The following DOCK4 variants were observed in gnomAD, a reference collection of about 807,000 sequenced individuals.
DOCK4 encodes dedicator of cytokinesis 4.
In DOCK4, 97 loss-of-function variants were observed where a neutral mutation model predicts 268.1. That is an observed-to-expected ratio of 0.36 (90% CI 0.31 to 0.43). The LOEUF is 0.43. DOCK4 is among the 20% of genes least tolerant of loss of function. The probability of loss-of-function intolerance (pLI) is 1.00; values close to 1 mark genes in which losing one functional copy is unlikely to be tolerated. For missense variants in DOCK4, 2,145 were observed against 2,455.7 expected (o/e 0.87, Z 2.67); for synonymous variants, 954 against 887.2 (o/e 1.08, Z -1.34).
chr7:111,953,028 T>A (rs1010904380), intron 8 of DOCK4, among the ~76,000 whole-genome samples: 11 of 151,938 alleles, frequency 7.2e-5, no homozygotes, highest in Non-Finnish European at 1.5e-4. Flanking sequence ...GAGTTCAAGA[T>A]CAGCCTGGGC....
intron 12 of DOCK4, among the ~76,000 whole-genome samples, chr7:111,924,867 A>G (rs1793467348): frequency 6.6e-6 from 1 of 152,240 alleles, no homozygotes; most frequent in Non-Finnish European, 1.5e-5. Flanking sequence ...TCACACTGCC[A>G]TTCTGTAGTA....
chr7:111,791,716 A>T (rs1207122747), intron 30 of DOCK4, among the ~76,000 whole-genome samples: 1 of 151,826 alleles, frequency 6.6e-6, no homozygotes, highest in Admixed American at 6.6e-5. Flanking sequence ...CCAAAGTGCT[A>T]GGATTACAGG....
At chr7:111,818,353 T>C (rs2133947230) in intron 27 of DOCK4, among the ~76,000 whole-genome samples, 1 of 152,262 alleles carries the variant, frequency 6.6e-6, no homozygotes, top group African/African-American at 2.4e-5. Flanking sequence ...CTAGTACACC[T>C]CAAACTTATG....
intron 16 of DOCK4, among the ~76,000 whole-genome samples, chr7:111,880,468 C>A (rs780364044): frequency 2.9e-4 from 44 of 152,228 alleles, no homozygotes; most frequent in Middle Eastern, 3.4e-3. Flanking sequence ...GCTCTTCAAT[C>A]CGAAAGAAAA....
intron 1 of DOCK4, among the ~76,000 whole-genome samples, chr7:112,034,803 G>A (rs1803598066): frequency 6.6e-6 from 1 of 152,198 alleles, no homozygotes; most frequent in Non-Finnish European, 1.5e-5. Context: ...TCAGGAGGCT[G>A]AGGCAGGAGA....
At chr7:111,841,299 G>T (rs1004677664) in intron 25 of DOCK4, among the ~76,000 whole-genome samples, 2 of 151,882 alleles carry the variant, frequency 1.3e-5, no homozygotes, top group African/African-American at 2.4e-5. Flanking sequence ...TGAGTAGCTG[G>T]GGTTACAGGT....
chr7:111,858,825 C>T (rs1563601576), intron 23 of DOCK4, among the ~76,000 whole-genome samples: 1 of 151,934 alleles, frequency 6.6e-6, no homozygotes, highest in African/African-American at 2.4e-5. Flanking sequence ...TTCCTTCCCT[C>T]CCTTCCTTCC....
intron 41 of DOCK4, among the ~76,000 whole-genome samples, chr7:111,756,303 C>G (rs1156379877): frequency 6.6e-6 from 1 of 152,122 alleles, no homozygotes; most frequent in Non-Finnish European, 1.5e-5. Flanking sequence ...AAGCCGAGAT[C>G]GCCCCACTGC....
At chr7:112,104,715 A>G (rs1023860656) in intron 1 of DOCK4, among the ~76,000 whole-genome samples, 7 of 152,242 alleles carry the variant, frequency 4.6e-5, no homozygotes, top group African/African-American at 1.7e-4. Context: ...ATATAGAAAG[A>G]ATATAAAAAG....
At chr7:112,120,302 A>G (rs1452982035) in intron 1 of DOCK4, among the ~76,000 whole-genome samples, 1 of 152,164 alleles carries the variant, frequency 6.6e-6, no homozygotes, top group Non-Finnish European at 1.5e-5. Context: ...CCACTGGGCC[A>G]CATGTCATTT....
At chr7:112,161,594 T>C (rs1400486282) in intron 1 of DOCK4, among the ~76,000 whole-genome samples, 1 of 152,064 alleles carries the variant, frequency 6.6e-6, no homozygotes, top group Non-Finnish European at 1.5e-5. Context: ...AAGCAGCAAA[T>C]TTTTTAGGGT....
At chr7:112,109,738 AATC>A (rs1212618343) in intron 1 of DOCK4, among the ~76,000 whole-genome samples, 3 of 142,756 alleles carry the variant, frequency 2.1e-5, no homozygotes, top group South Asian at 2.2e-4. Context: ...GCTGCAGTAA[AATC>A]ATCTTTTTTT....
chr7:112,126,761 C>G (rs1053933174), intron 1 of DOCK4, among the ~76,000 whole-genome samples: 1 of 152,176 alleles, frequency 6.6e-6, no homozygotes. Context: ...TATGAACAGA[C>G]ACTTCTCAAA....
At chr7:111,807,668 G>T (rs1419058043) in intron 30 of DOCK4, 1 of 152,002 alleles carries the variant, frequency 6.6e-6, no homozygotes, top group East Asian at 1.9e-4. Context: ...TAAAGACAGG[G>T]TTTCACCATG....
intron 1 of DOCK4, among the ~76,000 whole-genome samples, chr7:112,028,519 A>T (rs1802999046): frequency 6.6e-6 from 1 of 152,236 alleles, no homozygotes; most frequent in African/African-American, 2.4e-5. Context: ...TTATCAGCCC[A>T]ATGAAATGGC....
chr7:112,178,702 G>C (rs563393380), intron 1 of DOCK4, among the ~76,000 whole-genome samples: 71 of 152,220 alleles, frequency 4.7e-4, no homozygotes, highest in African/African-American at 1.7e-3. Flanking sequence ...TAGTCACATG[G>C]AAATGACTGG....
At chr7:112,037,356 G>A (rs995161478) in intron 1 of DOCK4, among the ~76,000 whole-genome samples, 1 of 152,162 alleles carries the variant, frequency 6.6e-6, no homozygotes, top group African/African-American at 2.4e-5. Context: ...CAGTCGAGAA[G>A]CATCTGCAAA....
chr7:111,962,876 G>C (rs1797040103), intron 8 of DOCK4, among the ~76,000 whole-genome samples: 1 of 152,136 alleles, frequency 6.6e-6, no homozygotes, highest in African/African-American at 2.4e-5. Context: ...AAGACTTTTT[G>C]TATTTAATCA....
intron 1 of DOCK4, among the ~76,000 whole-genome samples, chr7:112,090,302 TG>T (rs756297207): frequency 1.8e-4 from 28 of 152,260 alleles, no homozygotes; most frequent in African/African-American, 5.5e-4. Context: ...ATTTTGAGAT[TG>T]GGGGGAAGAA....
Sources: allele counts gnomAD v4.1 joint callset (sites outside exome capture counted in the v4.1 genomes callset), GRCh38; gene constraint gnomAD v4.1.1; transcripts MANE v1.5; gene names NCBI Gene and HGNC (gene_info 2026-07-23, HGNC 2026-07-21).